The following GRIP1 variants were observed in gnomAD, a reference collection of about 807,000 sequenced individuals.
GRIP1 encodes glutamate receptor interacting protein 1.
Under a neutral mutation model 129.9 loss-of-function variants are expected in GRIP1, and 45 were observed. The observed-to-expected ratio is 0.35, with a 90% CI of 0.27 to 0.44. The LOEUF is 0.44. GRIP1 is among the 20% of genes least tolerant of loss of function. The probability of loss-of-function intolerance (pLI) is 1.00; values close to 1 mark genes in which losing one functional copy is unlikely to be tolerated. For missense variants in GRIP1, 1,196 were observed against 1,396.8 expected (o/e 0.86, Z 2.29); for synonymous variants, 530 against 520.8 (o/e 1.02, Z -0.24).
chr12:66,422,825 T>A (rs2057854334), intron 14 of GRIP1, among the ~76,000 whole-genome samples: 1 of 152,122 alleles, frequency 6.6e-6, no homozygotes, highest in South Asian at 2.1e-4. Context: ...CTCGATAGGG[T>A]GGATGCCCAT....
chr12:66,507,661 A>G (rs1230536919), intron 7 of GRIP1, among the ~76,000 whole-genome samples: 1 of 152,216 alleles, frequency 6.6e-6, no homozygotes, highest in African/African-American at 2.4e-5. Context: ...AATTATTTAA[A>G]AATTGCTATT....
intron 1 of GRIP1, among the ~76,000 whole-genome samples, chr12:66,856,992 G>C (rs1159855124): frequency 6.6e-6 from 1 of 152,094 alleles, no homozygotes; most frequent in Non-Finnish European, 1.5e-5. Flanking sequence ...AACAATGATA[G>C]ACTGGATTAA....
intron 1 of GRIP1, among the ~76,000 whole-genome samples, chr12:67,029,420 T>A (rs939667999): frequency 1.4e-4 from 22 of 151,940 alleles, no homozygotes; most frequent in African/African-American, 4.4e-4. Context: ...GGCCAAAAAA[T>A]TTTTTAAAAC....
intron 22 of GRIP1, chr12:66,372,254 C>G: frequency 2.4e-6 from 1 of 419,324 alleles, no homozygotes; most frequent in Admixed American, 3.6e-5. Context: ...CATTCACTTT[C>G]CACTCAGTGG....
chr12:66,876,709 C>A (rs1195224076), intron 1 of GRIP1, among the ~76,000 whole-genome samples: 1 of 151,990 alleles, frequency 6.6e-6, no homozygotes, highest in Non-Finnish European at 1.5e-5. Flanking sequence ...GGGGCAGCAA[C>A]CACCAGGGAG....
intron 7 of GRIP1, among the ~76,000 whole-genome samples, chr12:66,474,135 T>C (rs2059530180): frequency 6.6e-6 from 1 of 151,930 alleles, no homozygotes; most frequent in Non-Finnish European, 1.5e-5. Flanking sequence ...GAGAAGAACA[T>C]AAATGACCTG....
rs146534968 is a variant in GRIP1 at position 66,693,300 on chromosome 12, T to A, written c.-419-62964A>T. Among the ~76,000 whole-genome samples the A allele has an allele frequency of 1.4e-4, 21 of 152,332 alleles. No individual in the cohort carries two copies. The East Asian group carries it at 4.0e-3, about 29-fold the overall frequency. ...ATTATTTGCACACTTCAGAAATGTC[T>A]ATAGTTTATTTAAAGTTATGGGTTT... On this transcript the variant is annotated intron_variant, in intron 1 of 4. Transcript: ENST00000538373.
intron 1 of GRIP1, among the ~76,000 whole-genome samples, chr12:66,966,249 C>A (rs1375788760): frequency 6.6e-6 from 1 of 152,078 alleles, no homozygotes. Context: ...GCTAATAATT[C>A]TACAAATGAA....
At chr12:66,364,814 G>A (rs954690512) in intron 23 of GRIP1, among the ~76,000 whole-genome samples, 4 of 151,972 alleles carry the variant, frequency 2.6e-5, no homozygotes, top group East Asian at 1.9e-4. Flanking sequence ...AACAGCTTCC[G>A]TCTTTTATCC....
intron 1 of GRIP1, among the ~76,000 whole-genome samples, chr12:66,710,355 T>C (rs1002392899): frequency 3.9e-5 from 6 of 152,060 alleles, no homozygotes; most frequent in Non-Finnish European, 5.9e-5. Context: ...TGGAGCTTCA[T>C]TGTCTAAACC....
At chr12:66,581,013 G>A (rs928221381) in intron 2 of GRIP1, among the ~76,000 whole-genome samples, 4 of 152,122 alleles carry the variant, frequency 2.6e-5, no homozygotes, top group Non-Finnish European at 1.5e-5. Flanking sequence ...TGGAAGTAAA[G>A]CTCTCCTCAG....
chr12:66,916,723 A>G (rs1189566097), intron 1 of GRIP1, among the ~76,000 whole-genome samples: 2 of 152,182 alleles, frequency 1.3e-5, no homozygotes, highest in East Asian at 3.9e-4. Flanking sequence ...AGGAGGCACA[A>G]TAAGAAAAAA....
chr12:67,048,247 A>C (rs1171160985), intron 1 of GRIP1, among the ~76,000 whole-genome samples: 2 of 152,050 alleles, frequency 1.3e-5, no homozygotes, highest in African/African-American at 2.4e-5. Flanking sequence ...ACACACACAA[A>C]CGTGACAAGA....
intron 1 of GRIP1, among the ~76,000 whole-genome samples, chr12:67,000,354 G>A (rs367658335): frequency 3.9e-5 from 6 of 152,126 alleles, no homozygotes; most frequent in East Asian, 1.9e-4. Context: ...ATATTTCTCC[G>A]AATCTTCATT....
intron 14 of GRIP1, among the ~76,000 whole-genome samples, chr12:66,421,992 T>G (rs1049734425): frequency 4.6e-5 from 7 of 152,124 alleles, no homozygotes; most frequent in Non-Finnish European, 1.0e-4. Flanking sequence ...GAAAAACAAT[T>G]TGCCTCCAAG....
At chr12:66,991,417 T>C (rs1473907655) in intron 1 of GRIP1, among the ~76,000 whole-genome samples, 1 of 152,198 alleles carries the variant, frequency 6.6e-6, no homozygotes, top group African/African-American at 2.4e-5. Flanking sequence ...GAATAAGGCA[T>C]TGCCACAGCA....
chr12:67,051,304 T>A (rs2043343004), intron 1 of GRIP1, among the ~76,000 whole-genome samples: 1 of 152,138 alleles, frequency 6.6e-6, no homozygotes, highest in African/African-American at 2.4e-5. Flanking sequence ...TCAACATTCA[T>A]CTACTAGAGG....
At chr12:66,847,117 C>CA (rs1236590337) in intron 1 of GRIP1, among the ~76,000 whole-genome samples, 1 of 152,138 alleles carries the variant, frequency 6.6e-6, no homozygotes, top group African/African-American at 2.4e-5. Context: ...AAAACCAAGG[C>CA]AAAACAGCAT....
chr12:67,057,450 A>C (rs1473736857), intron 1 of GRIP1, among the ~76,000 whole-genome samples: 1 of 151,962 alleles, frequency 6.6e-6, no homozygotes, highest in Admixed American at 6.6e-5. Context: ...AAAAAAAAAA[A>C]AAAAACTCCT....
Sources: allele counts gnomAD v4.1 joint callset (sites outside exome capture counted in the v4.1 genomes callset), GRCh38; gene constraint gnomAD v4.1.1; transcripts MANE v1.5; gene names NCBI Gene and HGNC (gene_info 2026-07-23, HGNC 2026-07-21).